The following KNDC1 variants were observed in gnomAD, a reference collection of about 807,000 sequenced individuals.
KNDC1 encodes the protein kinase non-catalytic C-lobe domain containing 1.
KNDC1 carries 106 observed loss-of-function variants against 172.8 expected under a neutral mutation model. The observed-to-expected ratio is 0.61, with a 90% confidence interval of 0.52 to 0.72. The LOEUF is 0.72. KNDC1 is among the 30% of genes least tolerant of loss of function. KNDC1 has a pLI of 0.00. For synonymous variants in KNDC1, 1,083 were observed against 1,062.2 expected, an observed-to-expected ratio of 1.02 and a Z score of -0.38; for missense variants, 2,325 against 2,394.5, an observed-to-expected ratio of 0.97 and a Z score of 0.61.
chr10:133,212,997 C>A, intron 24 of KNDC1, 75 bp downstream of exon 24: 2 of 1,302,370 alleles, frequency 1.5e-6, no homozygotes, highest in Non-Finnish European at 2.1e-6. Flanking sequence ...CCATAGGGCC[C>A]TCAGCGGCTG....
chr10:133,180,817 AT>A (rs1384823327), intron 3 of KNDC1, among the ~76,000 whole-genome samples: 1 of 152,262 alleles, frequency 6.6e-6, no homozygotes, highest in East Asian at 1.9e-4. Flanking sequence ...TAGAGGAAAA[AT>A]TAAAACTGCG....
At chr10:133,193,607 G>T (rs1161440382) in intron 9 of KNDC1, among the ~76,000 whole-genome samples, 1 of 151,936 alleles carries the variant, frequency 6.6e-6, no homozygotes, top group Admixed American at 6.6e-5. Context: ...GAAGGAGGAA[G>T]AGAAGAAGAA....
At chr10:133,200,193 G>A (rs1005029530) in intron 15 of KNDC1, among the ~76,000 whole-genome samples, 182 bp from the exon 16 acceptor site, 31 of 152,134 alleles carry the variant, frequency 2.0e-4, no homozygotes, top group Non-Finnish European at 4.4e-4. Flanking sequence ...GGGACCCCAA[G>A]CAGTGAATGA....
Position 133,186,288 on chromosome 10 carries a change from G to T in KNDC1, c.940G>T (p.Asp314Tyr), listed in dbSNP as rs373888851. The change falls in exon 6 of 30, where the codon GAC becomes TAC. Residue 314 changes from aspartate (D) to tyrosine (Y), a missense_variant. Transcript: ENST00000304613. ...KVQTFPRLLS[D>Y]SPEATLCLPL... is the part of the protein sequence containing the mutation. ...GCAGACGTTCCCTAGGCTGCTGTCC[G>T]ACAGCCCCGAGGCCACCCTCTGCCT... is the stretch of plus-strand genomic sequence containing the variant. 1 of 1,610,810 alleles carries T rather than the reference G, an allele frequency of 6.2e-7. No individual in the cohort carries two copies. Among genetic ancestry groups the T allele is most frequent in the Non-Finnish European group, 8.5e-7 (1 of 1,179,198 alleles).
At chr10:133,214,942 C>T (rs1403855955) in intron 26 of KNDC1, among the ~76,000 whole-genome samples, 1 of 152,220 alleles carries the variant, frequency 6.6e-6, no homozygotes, top group African/African-American at 2.4e-5. Context: ...AGGCCAGAGT[C>T]CCCCAGCCCC....
chr10:133,176,114 G>A (rs1464795214), intron 3 of KNDC1, among the ~76,000 whole-genome samples: 5 of 151,734 alleles, frequency 3.3e-5, no homozygotes, highest in East Asian at 2.0e-4. Context: ...GGATTGATAG[G>A]TGTATGAACA....
intron 17 of KNDC1, among the ~76,000 whole-genome samples, chr10:133,203,679 T>G (rs1203736645): frequency 6.6e-6 from 1 of 152,084 alleles, no homozygotes; most frequent in Admixed American, 6.5e-5. Flanking sequence ...GCTCCCAGAG[T>G]CAGCGTGGAC....
intron 3 of KNDC1, among the ~76,000 whole-genome samples, chr10:133,176,625 G>A (rs1853545880): frequency 6.6e-6 from 1 of 152,142 alleles, no homozygotes; most frequent in African/African-American, 2.4e-5. Context: ...GTCCTCTCTT[G>A]TCTTCTCACA....
intron 10 of KNDC1, 92 bp from the exon 11 acceptor site, chr10:133,196,966 C>T (rs1854209084): frequency 5.9e-6 from 6 of 1,016,992 alleles, no homozygotes; most frequent in Non-Finnish European, 9.3e-6. Context: ...CCTGGCAGCC[C>T]TGAGCTTTTT....
At chr10:133,165,578 C>T (rs990196101) in intron 1 of KNDC1, among the ~76,000 whole-genome samples, 11 of 152,242 alleles carry the variant, frequency 7.2e-5, no homozygotes, top group East Asian at 1.9e-4. Context: ...GCTTGGTGCA[C>T]GTCTGTGCCC....
intron 3 of KNDC1, among the ~76,000 whole-genome samples, chr10:133,169,138 T>C (rs1853287872): frequency 6.6e-6 from 1 of 152,216 alleles, no homozygotes; most frequent in Non-Finnish European, 1.5e-5. Context: ...CCATCAGCTA[T>C]GTCATGACCT....
intron 11 of KNDC1, 94 bp from the exon 12 acceptor site, chr10:133,197,581 G>A (rs925561286): frequency 4.5e-5 from 41 of 918,970 alleles, no homozygotes; most frequent in Middle Eastern, 2.4e-4. Context: ...GAAGCTCCAC[G>A]GCACCGGCGG....
At chr10:133,221,831 AGGCCG>A (rs1564903157) in intron 29 of KNDC1, among the ~76,000 whole-genome samples, 37 of 111,754 alleles carry the variant, frequency 3.3e-4, no homozygotes, top group African/African-American at 1.1e-3. Context: ...AACCCTAGGT[AGGCCG>A]GGCTGGGTGC....
intron 24 of KNDC1, among the ~76,000 whole-genome samples, 153 bp downstream of exon 24, chr10:133,213,075 G>A (rs1209956458): frequency 1.3e-5 from 2 of 152,198 alleles, no homozygotes; most frequent in Admixed American, 1.3e-4. Flanking sequence ...GTGGCTGCCA[G>A]GTGCACAGGT....
Position 133,201,914 on chromosome 10 carries a change from T to C in KNDC1, c.3387+16T>C, listed in dbSNP as rs766998574. 5.3e-6 allele frequency: 8 copies of C among 1,508,982 alleles called. No homozygotes were observed. Among genetic ancestry groups the C allele is most frequent in the Non-Finnish European group, 7.1e-6 (8 of 1,130,396 alleles). 93.5% of individuals were successfully genotyped at this position (1,508,982 alleles called of 1,614,324 possible). On this transcript the variant is annotated intron_variant, in intron 17 of 29. Transcript: ENST00000304613. ...CCAGAGCCCGGTGAGTCCCAGGCCTTGGCACTGCCGGGTGGGGCAGGGCGT... is the reference window on the plus strand; with the variant it reads ...CCAGAGCCCGGTGAGTCCCAGGCCTCGGCACTGCCGGGTGGGGCAGGGCGT...
intron 2 of KNDC1, 147 bp from the exon 3 acceptor site, chr10:133,168,107 T>G: frequency 2.7e-6 from 2 of 734,156 alleles, no homozygotes; most frequent in Non-Finnish European, 4.9e-6. Context: ...CTGATTTCCC[T>G]TTTTCATGGC....
In KNDC1 at chr10:133,225,965, C is replaced by T. The variant is rs1461742567; in HGVS notation, c.*1075C>T. 6.6e-6 allele frequency: 1 copy of T among 152,276 alleles called. No individual in the cohort carries two copies. Among genetic ancestry groups the T allele is most frequent in the African/African-American group, 2.4e-5 (1 of 41,460 alleles). The allele number at this position is 152,276 out of a possible 1,614,324, so 9.4% of individuals were successfully genotyped here. A position where few individuals can be genotyped will look rare whatever the true frequency, so the allele number is the denominator to read the frequency against. ...AGAGCCCCGGGCACGGCCCCAGCTC[C>T]GTGGGGCTCTCACGGTGCCAATCAC... On this transcript the variant is annotated 3_prime_UTR_variant, in exon 30 of 30. Transcript: ENST00000304613.
chr10:133,160,407 T>G lies in KNDC1; in HGVS notation c.-61T>G. The G allele has an allele frequency of 9.4e-7, 1 of 1,059,024 alleles. No homozygotes were observed. The highest frequency in any genetic ancestry group is 1.2e-6 in the Non-Finnish European group (1 of 811,094). 65.6% of individuals were successfully genotyped at this position (1,059,024 alleles called of 1,614,324 possible). ...CGTCTCCATGGAGCCAGGGCGCGCG[T>G]AGCCGAGCCCAGCCCAGCCCAGCCG... is the stretch of plus-strand genomic sequence containing the variant. On this transcript the variant is annotated 5_prime_UTR_variant, in exon 1 of 30. The change abolishes the stop of an existing upstream ORF in the 5' untranslated region. Coordinates refer to ENST00000304613, the MANE Select transcript of KNDC1 (RefSeq NM_152643.8).
Position 133,212,872 on chromosome 10 carries a change from A to G in KNDC1, c.4393A>G (p.Thr1465Ala), listed in dbSNP as rs1845399068. 1.2e-6 allele frequency: 2 copies of G among 1,613,744 alleles called. No homozygotes were observed. ...KTSEKGPYFL[T>A]EYSTHQLFSQ... ...CAGTGAGAAGGGGCCCTACTTCCTG[A>G]CGGAGTACAGCACTCACCAGCTCTT... The change falls in exon 24 of 30, where the codon ACG (threonine) becomes GCG (alanine). Residue 1465 changes from threonine (T) to alanine (A), a missense_variant. By Grantham distance (58) the Thr-to-Ala change is moderately conservative (BLOSUM62 0). Transcript: ENST00000304613.
Sources: allele counts gnomAD v4.1 joint callset (sites outside exome capture counted in the v4.1 genomes callset), GRCh38; gene constraint gnomAD v4.1.1; transcripts MANE v1.5; gene names NCBI Gene and HGNC (gene_info 2026-07-23, HGNC 2026-07-21).